Variants in KIF13B observed in about 807,000 individuals in gnomAD.
The protein encoded by KIF13B is kinesin-like protein KIF13B.
Under a neutral mutation model 222.0 loss-of-function variants are expected in KIF13B, and 127 were observed. The ratio of observed to expected loss-of-function variants is 0.57; its 90% CI spans 0.50 to 0.66. The LOEUF (loss-of-function observed/expected upper bound fraction) is 0.66, where lower values mean the gene tolerates loss of function less well. KIF13B is among the 30% of genes least tolerant of loss of function. KIF13B has a pLI of 0.00. For missense variants in KIF13B, 2,173 were observed against 2,379.0 expected (o/e 0.91, Z 1.80); for synonymous variants, 976 against 919.0 (o/e 1.06, Z -1.12).
At chr8:29,205,552 G>A (rs1415200614) in intron 2 of KIF13B, among the ~76,000 whole-genome samples, 3 of 152,154 alleles carry the variant, frequency 2.0e-5, no homozygotes, top group Non-Finnish European at 4.4e-5. Context: ...CATCACAATC[G>A]TGTCAGGGCT....
At chr8:29,262,139 T>A (rs907458402) in intron 1 of KIF13B, among the ~76,000 whole-genome samples, 1 of 152,188 alleles carries the variant, frequency 6.6e-6, no homozygotes, top group Non-Finnish European at 1.5e-5. Flanking sequence ...GTCATGCTGC[T>A]TTGACTATCA....
intron 2 of KIF13B, among the ~76,000 whole-genome samples, chr8:29,237,205 T>A (rs141581458): frequency 6.6e-6 from 1 of 152,218 alleles, no homozygotes; most frequent in Admixed American, 6.5e-5. Flanking sequence ...CTGATTTATA[T>A]TAGTAACAAT....
At chr8:29,113,705 TTTC>T (rs1809462779) in intron 31 of KIF13B, 150 bp from the exon 32 acceptor site, 1 of 653,590 alleles carries the variant, frequency 1.5e-6, no homozygotes, top group Admixed American at 2.8e-5. Context: ...CCAAGTACGG[TTTC>T]TTCATCGTTG....
At chr8:29,243,870 T>C (rs1293270579) in intron 2 of KIF13B, among the ~76,000 whole-genome samples, 1 of 152,198 alleles carries the variant, frequency 6.6e-6, no homozygotes, top group East Asian at 1.9e-4. Flanking sequence ...TTGCAAGATC[T>C]TTTAAAAGTC....
At chr8:29,196,490 T>A (rs1813428426) in intron 2 of KIF13B, among the ~76,000 whole-genome samples, 1 of 152,110 alleles carries the variant, frequency 6.6e-6, no homozygotes, top group African/African-American at 2.4e-5. Flanking sequence ...CCTTATAGAT[T>A]TTGCTTTTAT....
chr8:29,148,226 CAA>C (rs1258541706), intron 16 of KIF13B, among the ~76,000 whole-genome samples: 1 of 152,154 alleles, frequency 6.6e-6, no homozygotes, highest in Admixed American at 6.5e-5. Context: ...ATAAAATAAA[CAA>C]GAGAGATTCT....
At chr8:29,135,310 A>C (rs537524445) in intron 21 of KIF13B, among the ~76,000 whole-genome samples, 1 of 152,232 alleles carries the variant, frequency 6.6e-6, no homozygotes, top group Admixed American at 6.5e-5. Context: ...CTCCCAAAAT[A>C]CTGGGATTAT....
chr8:29,127,955 G>T (rs1328650354), intron 24 of KIF13B, among the ~76,000 whole-genome samples: 3 of 151,640 alleles, frequency 2.0e-5, no homozygotes, highest in Non-Finnish European at 4.4e-5. Flanking sequence ...CTATACAGTT[G>T]TTAAAGTATT....
Position 29,165,863 on chromosome 8 carries a change from C to T in KIF13B, c.1159-91G>A, listed in dbSNP as rs905611373. On this transcript the variant is annotated intron_variant, in intron 11 of 39. Coordinates refer to ENST00000524189, the MANE Select transcript of KIF13B (RefSeq NM_015254.4). ...CTAAAAGGACAAAAGTAACAATCTG[C>T]CTCCTCATGGCTGAATGTCACGCTG... 1.1e-4 allele frequency: 95 copies of T among 842,586 alleles called. No individual in the cohort carries two copies. The East Asian group carries it at 1.4e-3, about 12-fold the overall frequency. The allele number at this position is 842,586 out of a possible 1,614,324, so 52.2% of individuals were successfully genotyped here. A position where few individuals can be genotyped will look rare whatever the true frequency, so the allele number is the denominator to read the frequency against.
intron 29 of KIF13B, among the ~76,000 whole-genome samples, chr8:29,121,340 A>C (rs544263932): frequency 0.016 from 883 of 55,862 alleles, 18 homozygotes; most frequent in Middle Eastern, 0.053. Flanking sequence ...ACAGCATGGT[A>C]CTGGTACCAA....
At chr8:29,103,789 C>G (rs1490646944) in intron 35 of KIF13B, among the ~76,000 whole-genome samples, 2 of 152,104 alleles carry the variant, frequency 1.3e-5, no homozygotes, top group African/African-American at 2.4e-5. Context: ...ACTTTCCTCT[C>G]GCCTCCCACG....
At chr8:29,191,154 T>C (rs1813163584) in intron 3 of KIF13B, 97 bp from the exon 4 acceptor site, 1 of 861,874 alleles carries the variant, frequency 1.2e-6, no homozygotes, top group Non-Finnish European at 1.8e-6. Flanking sequence ...ATAAAACAAC[T>C]TACTGTCATA....
At chr8:29,209,278 A>G (rs143396198) in intron 2 of KIF13B, among the ~76,000 whole-genome samples, 38 of 152,292 alleles carry the variant, frequency 2.5e-4, no homozygotes, top group African/African-American at 8.4e-4. Context: ...TACAGAAAGA[A>G]CAGGCTCATG....
At chr8:29,108,470 G>T (rs575493209) in intron 34 of KIF13B, among the ~76,000 whole-genome samples, 1 of 152,276 alleles carries the variant, frequency 6.6e-6, no homozygotes, top group African/African-American at 2.4e-5. Context: ...TGTCGCGTTG[G>T]GTGAGCCCTT....
chr8:29,170,566 A>G (rs1334535455), intron 10 of KIF13B, among the ~76,000 whole-genome samples: 3 of 152,242 alleles, frequency 2.0e-5, no homozygotes, highest in African/African-American at 7.2e-5. Flanking sequence ...ATAGAGAAGC[A>G]TCACCCAGGT....
intron 37 of KIF13B, among the ~76,000 whole-genome samples, chr8:29,076,522 G>A (rs17059658): frequency 0.13 from 19,127 of 152,206 alleles, 1,712 homozygotes; most frequent in Admixed American, 0.28. Flanking sequence ...CTGCAGGCGC[G>A]AGCCACACCG....
chr8:29,193,981 CTTT>C (rs59285182), intron 3 of KIF13B, among the ~76,000 whole-genome samples: 1 of 134,048 alleles, frequency 7.5e-6, no homozygotes. Context: ...CCACGCCTGG[CTTT>C]TTTTTTTTTT....
intron 10 of KIF13B, 99 bp from the exon 11 acceptor site, chr8:29,167,684 T>A: frequency 1.1e-6 from 1 of 916,734 alleles, no homozygotes; most frequent in Non-Finnish European, 1.7e-6. Flanking sequence ...TTTCCCCAGG[T>A]CAAACACATT....
At chr8:29,168,335 T>C (rs1422325553) in intron 10 of KIF13B, among the ~76,000 whole-genome samples, 1 of 152,150 alleles carries the variant, frequency 6.6e-6, no homozygotes, top group Non-Finnish European at 1.5e-5. Flanking sequence ...ACATTAAAAA[T>C]AGAGATTTAA....
Sources: allele counts gnomAD v4.1 joint callset (sites outside exome capture counted in the v4.1 genomes callset), GRCh38; gene constraint gnomAD v4.1.1; transcripts MANE v1.5; gene names NCBI Gene and HGNC (gene_info 2026-07-23, HGNC 2026-07-21).